Variants in SHISA9 observed in about 807,000 individuals in gnomAD.
SHISA9 encodes protein shisa-9.
A neutral mutation model predicts 38.0 loss-of-function variants in SHISA9; 13 were observed. The observed-to-expected ratio is 0.34, with a 90% CI of 0.22 to 0.54. The LOEUF (loss-of-function observed/expected upper bound fraction) is 0.54, where lower values mean the gene tolerates loss of function less well. SHISA9 is among the 20% of genes least tolerant of loss of function. SHISA9 has a pLI of 0.91. For missense variants in SHISA9, 538 were observed against 575.8 expected (o/e 0.93, Z 0.67); for synonymous variants, 275 against 242.0 (o/e 1.14, Z -1.27).
chr16:13,463,863 G>A, the SHISA9 span, among the ~76,000 whole-genome samples: 134 of 152,336 alleles, frequency 8.8e-4, no homozygotes, highest in Middle Eastern at 6.8e-3. Flanking sequence ...CCCTGCCGTT[G>A]GCTCCCTGGA....
chr16:13,151,420 A>G (rs993771892), intron 2 of SHISA9, among the ~76,000 whole-genome samples: 2 of 152,024 alleles, frequency 1.3e-5, no homozygotes, highest in African/African-American at 4.8e-5. Context: ...TTGATTTTCA[A>G]GGGATCACAA....
the SHISA9 span, among the ~76,000 whole-genome samples, chr16:13,287,574 A>G: frequency 6.6e-6 from 1 of 152,214 alleles, no homozygotes; most frequent in Admixed American, 6.5e-5. Context: ...CCACATGGCC[A>G]AAATAAAGAG....
the SHISA9 span, among the ~76,000 whole-genome samples, chr16:13,501,778 G>A: frequency 6.6e-6 from 1 of 152,122 alleles, no homozygotes; most frequent in Admixed American, 6.6e-5. Context: ...GAGGAGGGTG[G>A]ATCACCTGAG....
the SHISA9 span, among the ~76,000 whole-genome samples, chr16:13,460,654 A>T: frequency 6.6e-6 from 1 of 152,334 alleles, no homozygotes; most frequent in East Asian, 1.9e-4. Context: ...GATAGAGCTT[A>T]TCAGTTGGAT....
At chr16:13,300,042 C>T in the SHISA9 span, among the ~76,000 whole-genome samples, 3 of 152,128 alleles carry the variant, frequency 2.0e-5, no homozygotes, top group South Asian at 6.2e-4. Flanking sequence ...TCAACTCCCC[C>T]TATTTCAAAG....
chr16:13,438,705 A>G, the SHISA9 span, among the ~76,000 whole-genome samples: 1 of 152,224 alleles, frequency 6.6e-6, no homozygotes, highest in Non-Finnish European at 1.5e-5. Context: ...AACTGTGAAG[A>G]CTATGTAACC....
chr16:13,019,878 C>CTTT (rs2072815532), intron 2 of SHISA9, among the ~76,000 whole-genome samples: 4 of 32,028 alleles, frequency 1.2e-4, no homozygotes, highest in African/African-American at 3.7e-4. Flanking sequence ...CTCCCTCCCT[C>CTTT]CCTCCCTTCT....
At chr16:13,313,241 C>T in the SHISA9 span, among the ~76,000 whole-genome samples, 2 of 122,860 alleles carry the variant, frequency 1.6e-5, no homozygotes, top group East Asian at 2.2e-4. Context: ...GGCGACAGAG[C>T]GAGACTCCGT....
At chr16:13,027,927 CAAAAACAAAAAAAAA>C (rs1426628202) in intron 2 of SHISA9, among the ~76,000 whole-genome samples, 2 of 29,406 alleles carry the variant, frequency 6.8e-5, no homozygotes, top group Non-Finnish European at 1.2e-4. Flanking sequence ...AGCTCTGTCT[CAAAAACAAAAAAAAA>C]AAAAAAAAAA....
the SHISA9 span, among the ~76,000 whole-genome samples, chr16:13,315,225 T>C: frequency 6.6e-6 from 1 of 152,192 alleles, no homozygotes; most frequent in African/African-American, 2.4e-5. Flanking sequence ...ACACAGTGAT[T>C]TGTAAAGAAG....
the SHISA9 span, among the ~76,000 whole-genome samples, chr16:13,413,447 T>A: frequency 1.3e-5 from 2 of 152,056 alleles, no homozygotes; most frequent in African/African-American, 4.8e-5. Flanking sequence ...TCTTTGATGC[T>A]GAGATTCTAG....
chr16:13,135,371 A>G (rs1123219), intron 2 of SHISA9, among the ~76,000 whole-genome samples: 1 of 152,164 alleles, frequency 6.6e-6, no homozygotes, highest in Non-Finnish European at 1.5e-5. Flanking sequence ...TGATCAGCAG[A>G]TAGCCTGCAA....
chr16:13,072,181 T>C (rs1486764997), intron 2 of SHISA9, among the ~76,000 whole-genome samples: 2 of 152,334 alleles, frequency 1.3e-5, no homozygotes, highest in East Asian at 1.9e-4. Context: ...GTCCTCAAAG[T>C]GTCAAAGCCA....
chr16:13,542,919 G>A, the SHISA9 span, among the ~76,000 whole-genome samples: 1 of 152,126 alleles, frequency 6.6e-6, no homozygotes, highest in Non-Finnish European at 1.5e-5. Context: ...GGAATCAATG[G>A]CCGTGAACAG....
At chr16:13,399,429 G>T in the SHISA9 span, among the ~76,000 whole-genome samples, 1 of 152,060 alleles carries the variant, frequency 6.6e-6, no homozygotes, top group Non-Finnish European at 1.5e-5. Flanking sequence ...AAATTGTAGT[G>T]GTTCTTTGTT....
chr16:13,325,669 G>C, the SHISA9 span, among the ~76,000 whole-genome samples: 1 of 152,168 alleles, frequency 6.6e-6, no homozygotes, highest in African/African-American at 2.4e-5. Context: ...TGACGACTAG[G>C]AGAGTTGATA....
chr16:12,909,327 A>T (rs1471321818), intron 1 of SHISA9: 1 of 985,362 alleles, frequency 1.0e-6, no homozygotes, highest in African/African-American at 1.7e-5. Flanking sequence ...AAGCTCACTC[A>T]TGCCCATTGC....
chr16:13,354,143 G>T, the SHISA9 span, among the ~76,000 whole-genome samples: 1 of 149,530 alleles, frequency 6.7e-6, no homozygotes, highest in African/African-American at 2.5e-5. Flanking sequence ...AAGGGAGGGG[G>T]CCTGAAGAAT....
intron 2 of SHISA9, among the ~76,000 whole-genome samples, chr16:12,960,922 G>A (rs756827958): frequency 3.3e-5 from 5 of 152,002 alleles, no homozygotes; most frequent in Admixed American, 1.3e-4. Context: ...AAGTGAACAC[G>A]TTTCCTGCTC....
Sources: gnomAD v4.1 joint callset for allele counts (sites outside exome capture counted in the v4.1 genomes callset) on GRCh38, gnomAD v4.1.1 for gene constraint, MANE v1.5 for transcripts, NCBI Gene and HGNC (gene_info 2026-07-23, HGNC 2026-07-21) for gene names.